IMPDH1: variants seen among roughly 807,000 people sequenced by gnomAD.
The protein encoded by IMPDH1 is inosine-5'-monophosphate dehydrogenase 1.
A neutral mutation model predicts 73.5 loss-of-function variants in IMPDH1; 41 were observed. That is an observed-to-expected ratio of 0.56 (90% CI 0.43 to 0.72). The LOEUF is 0.72. Among genes scored for constraint, IMPDH1 ranks in the 30% least tolerant of loss-of-function variants. The pLI is 0.00. For missense variants in IMPDH1, 645 were observed against 824.8 expected (o/e 0.78, Z 2.67); for synonymous variants, 318 against 334.3 (o/e 0.95, Z 0.53).
intron 5 of IMPDH1, among the ~76,000 whole-genome samples, chr7:128,403,223 A>T (rs533452861): frequency 1.1e-3 from 161 of 152,162 alleles, no homozygotes; most frequent in African/African-American, 3.7e-3. Flanking sequence ...ATCAGGTATA[A>T]CCCTTTGATC....
chr7:128,397,277 T>C (rs533843977), intron 10 of IMPDH1, among the ~76,000 whole-genome samples: 1 of 151,902 alleles, frequency 6.6e-6, no homozygotes, highest in South Asian at 2.1e-4. Context: ...TTCCTATCCA[T>C]TGTACAGACT....
chr7:128,397,134 GCT>G, intron 10 of IMPDH1, 112 bp from the exon 11 acceptor site: 1 of 724,668 alleles, frequency 1.4e-6, no homozygotes. Flanking sequence ...TTATGAGAAT[GCT>G]CTTTCCTTCT....
At position 128,396,264 on chromosome 7, in the gene IMPDH1, G is replaced by A. The variant is rs1014179732; in HGVS notation, c.1261+336C>T. 2.6e-5 allele frequency among the ~76,000 whole-genome samples: 4 copies of A among 152,192 alleles called. No individual in the cohort carries two copies. Among genetic ancestry groups the A allele is most frequent in the African/African-American group, 7.2e-5 (3 of 41,432 alleles). On this transcript the variant is annotated intron_variant, in intron 12 of 16. Transcript: ENST00000338791. This position sits in a 1 kb window ranked among gnomAD's most constrained non-coding sequence, Gnocchi z 4.0. ...CATATCTTTATATATTCAGGGACAT[G>A]TCGTCTCTGTGTCTTAAATATCTGC...
At chr7:128,397,147 G>A (rs2116625217) in intron 10 of IMPDH1, 125 bp from the exon 11 acceptor site, 3 of 619,808 alleles carry the variant, frequency 4.8e-6, no homozygotes, top group East Asian at 5.9e-5. Flanking sequence ...CTTTCCTTCT[G>A]GTTGTTTTTT....
At position 128,393,576 on chromosome 7, in the gene IMPDH1, G is replaced by A. The variant is rs1221188171; in HGVS notation, c.1779-548C>T. 3.7e-5 allele frequency: 7 copies of A among 190,776 alleles called. No individual in the cohort carries two copies. In the South Asian group the frequency reaches 7.2e-4, roughly 20 times the overall value. 11.8% of individuals were successfully genotyped at this position (190,776 alleles called of 1,614,324 possible). A position where few individuals can be genotyped will look rare whatever the true frequency, so the allele number is the denominator to read the frequency against. On this transcript the variant is annotated intron_variant, in intron 16 of 16. Transcript: ENST00000338791. ...TGGTGTTGGAGTTAGGGGGCCGGGGGGGCCCAAACCCAGGGTCCACATCTC... is the reference window on the plus strand; with the variant it reads ...TGGTGTTGGAGTTAGGGGGCCGGGGAGGCCCAAACCCAGGGTCCACATCTC...
In IMPDH1 at chr7:128,394,046, C is replaced by T. The variant is rs1470677465; in HGVS notation, c.1778+232G>A. ...AGTGACTGGCCACACCTCCTGTGCC[C>T]TGCTCGGGAGAGGCCCGAGGGGAGG... is the stretch of plus-strand genomic sequence containing the variant. On this transcript the variant is annotated intron_variant, in intron 16 of 16. Coordinates refer to ENST00000338791, the MANE Select transcript of IMPDH1 (RefSeq NM_000883.4). The surrounding 1 kb of genome is among the most constrained non-coding windows in gnomAD (Gnocchi z 5.5). Among the ~76,000 whole-genome samples, 3 of 152,180 alleles carry T rather than the reference C, an allele frequency of 2.0e-5. No individual in the cohort carries two copies. The highest frequency in any genetic ancestry group is 4.4e-5 in the Non-Finnish European group (3 of 68,022).
intron 1 of IMPDH1, 73 bp from the exon 2 acceptor site, chr7:128,409,557 C>G: frequency 6.4e-7 from 1 of 1,572,096 alleles, no homozygotes; most frequent in Non-Finnish European, 8.8e-7. Context: ...GCACCTAACC[C>G]TTCGCACAGT....
chr7:128,396,882 A>G lies in IMPDH1; in HGVS notation c.1165+50T>C, dbSNP rs1453803566. The G allele has an allele frequency of 7.4e-7, 1 of 1,355,218 alleles. No homozygotes were observed. Among genetic ancestry groups the G allele is most frequent in the East Asian group, 2.3e-5 (1 of 43,708 alleles). The allele number at this position is 1,355,218 out of a possible 1,614,324, so 83.9% of individuals were successfully genotyped here. ...GGATGCTGAAGGACAGAAAAGGGTT[A>G]CTCATTGGAGGGGCAGGAGCAGGCG... On this transcript the variant is annotated intron_variant, in intron 11 of 16. Transcript: ENST00000338791. This position sits in a 1 kb window ranked among gnomAD's most constrained non-coding sequence, Gnocchi z 4.0.
intron 6 of IMPDH1, 34 bp from the exon 7 acceptor site, chr7:128,400,925 G>A: frequency 6.2e-7 from 1 of 1,605,070 alleles, no homozygotes; most frequent in African/African-American, 1.3e-5. Flanking sequence ...CAGAGCCGGG[G>A]CCCATTCCTC....
chr7:128,394,705 CA>C lies in IMPDH1; in HGVS notation c.1551-107del. On this transcript the variant is annotated intron_variant, in intron 14 of 16. Transcript: ENST00000338791. This position sits in a 1 kb window ranked among gnomAD's most constrained non-coding sequence, Gnocchi z 5.5. ...TACCGCCCAGGAAGGTCCCCCAGGC[CA>C]CCCCTCACTGGGCTGAGTCAGATGG... 6.8e-7 allele frequency: 1 copy of C among 1,466,992 alleles called. No individual in the cohort carries two copies. The highest frequency in any genetic ancestry group is 1.1e-5 in the South Asian group (1 of 87,128). 90.9% of individuals were successfully genotyped at this position (1,466,992 alleles called of 1,614,324 possible). A position where few individuals can be genotyped will look rare whatever the true frequency, so the allele number is the denominator to read the frequency against.
At position 128,396,097 on chromosome 7, in the gene IMPDH1, GA is replaced by G; in HGVS notation, c.1261+502del. Among the ~76,000 whole-genome samples the G allele has an allele frequency of 6.6e-6, 1 of 152,080 alleles. No individual in the cohort carries two copies. The highest frequency in any genetic ancestry group is 1.9e-4 in the East Asian group (1 of 5,186). The stretch of plus-strand genomic sequence containing the variant: ...CACAAGTCAGATACCAGCCTCCAGG[GA>G]GCACCTCCTCAATAACCACATGGGG... On this transcript the variant is annotated intron_variant, in intron 12 of 16. Coordinates refer to ENST00000338791, the MANE Select transcript of IMPDH1 (RefSeq NM_000883.4). The surrounding 1 kb of genome is among the most constrained non-coding windows in gnomAD (Gnocchi z 4.0).
Position 128,394,870 on chromosome 7 carries a change from G to T in IMPDH1, c.1550+19C>A. 13 of 1,610,794 alleles carry T rather than the reference G, an allele frequency of 8.1e-6. No homozygotes were observed. Among genetic ancestry groups the T allele is most frequent in the Non-Finnish European group, 1.1e-5 (13 of 1,179,936 alleles). On this transcript the variant is annotated intron_variant, in intron 14 of 16. Coordinates refer to ENST00000338791, the MANE Select transcript of IMPDH1 (RefSeq NM_000883.4). This position sits in a 1 kb window ranked among gnomAD's most constrained non-coding sequence, Gnocchi z 5.5. ...GGTTGTGGGCTGATCTGCCCAGGTG[G>T]GGCCCAGGGTCAGGGAACCTGAAGT... is the stretch of plus-strand genomic sequence containing the variant.
chr7:128,396,003 C>T lies in IMPDH1; in HGVS notation c.1261+597G>A, dbSNP rs1797887580. ...ATCACTCAGTGTTTTGGAGAAATTG[C>T]CCTCACAGGAGGGGCCGGGTACATC... On this transcript the variant is annotated intron_variant, in intron 12 of 16. Transcript: ENST00000338791. The surrounding 1 kb of genome is among the most constrained non-coding windows in gnomAD (Gnocchi z 4.0). Among the ~76,000 whole-genome samples, 1 of 152,146 alleles carries T rather than the reference C, an allele frequency of 6.6e-6. No homozygotes were observed. The highest frequency in any genetic ancestry group is 2.4e-5 in the African/African-American group (1 of 41,416).
In IMPDH1 at chr7:128,396,356, G is replaced by GGCCCCAA. The variant is rs1797912228; in HGVS notation, c.1261+237_1261+243dup. Among the ~76,000 whole-genome samples, 1 of 152,140 alleles carries GGCCCCAA rather than the reference G, an allele frequency of 6.6e-6. No homozygotes were observed. The highest frequency in any genetic ancestry group is 2.4e-5 in the African/African-American group (1 of 41,412). ...CCCATGGACAGTCACACCAGCCCCA[G>GGCCCCAA]GCCCCAAGCCCCAGGCAGAGCCCCC... On this transcript the variant is annotated intron_variant, in intron 12 of 16. Coordinates refer to ENST00000338791, the MANE Select transcript of IMPDH1 (RefSeq NM_000883.4). The surrounding 1 kb of genome is among the most constrained non-coding windows in gnomAD (Gnocchi z 4.0).
chr7:128,400,859 G>T lies in IMPDH1; in HGVS notation c.537C>A (p.Asn179Lys). 1 of 1,614,218 alleles carries T rather than the reference G, an allele frequency of 6.2e-7. No individual in the cohort carries two copies. Among genetic ancestry groups the T allele is most frequent in the Non-Finnish European group, 8.5e-7 (1 of 1,180,018 alleles). The change falls in exon 7 of 17, where the codon AAC becomes AAA. Residue 179 changes from asparagine to lysine, a missense_variant. Asn to Lys is a moderately conservative substitution (Grantham distance 94). Around this residue, in one of 2 missense-constraint regions of IMPDH1, gnomAD observed 459 missense variants for 638.2 expected, o/e 0.72. Coordinates refer to ENST00000338791, the MANE Select transcript of IMPDH1 (RefSeq NM_000883.4). The part of the protein sequence containing the change: ...LMGGIGFIHH[N>K]CTPEFQANEV... ...CGTTGGCCTGGAACTCTGGGGTGCA[G>T]TTGTGGTGAATGAAACCAATACCTC...
At chr7:128,397,316 G>C (rs1434314659) in intron 10 of IMPDH1, among the ~76,000 whole-genome samples, 1 of 152,078 alleles carries the variant, frequency 6.6e-6, no homozygotes, top group Non-Finnish European at 1.5e-5. Context: ...ACACTGCCTG[G>C]AGCCATATCC....
chr7:128,398,675 T>G lies in IMPDH1; in HGVS notation c.875-62A>C. On this transcript the variant is annotated intron_variant, in intron 9 of 16. Coordinates refer to ENST00000338791, the MANE Select transcript of IMPDH1 (RefSeq NM_000883.4). This position sits in a 1 kb window ranked among gnomAD's most constrained non-coding sequence, Gnocchi z 4.3. ...GGTGGGGAGAAGTTTGGGAGATGTT[T>G]AGGAGGGTGAAGATGAAAGTGGACC... is the stretch of plus-strand genomic sequence containing the variant. The G allele has an allele frequency of 7.2e-7, 1 of 1,395,394 alleles. No individual in the cohort carries two copies. The highest frequency in any genetic ancestry group is 1.0e-6 in the Non-Finnish European group (1 of 987,022). 86.4% of individuals were successfully genotyped at this position (1,395,394 alleles called of 1,614,324 possible).
Position 128,395,122 on chromosome 7 carries a change from T to C in IMPDH1, c.1405+9A>G, listed in dbSNP as rs11562030. On this transcript the variant is annotated intron_variant, in intron 13 of 16. Coordinates refer to ENST00000338791, the MANE Select transcript of IMPDH1 (RefSeq NM_000883.4). ...CGCCTGCCCAATCCCCAGCACATTC[T>C]CCCCTCACCTGTGGAGGCTCCAAGG... 5.1e-4 allele frequency: 826 copies of C among 1,613,780 alleles called. 8 individuals are homozygous for C. The East Asian group carries it at 0.016, about 31-fold the overall frequency.
chr7:128,396,381 C>G lies in IMPDH1; in HGVS notation c.1261+219G>C, dbSNP rs1177160806. On this transcript the variant is annotated intron_variant, in intron 12 of 16. Coordinates refer to ENST00000338791, the MANE Select transcript of IMPDH1 (RefSeq NM_000883.4). The surrounding 1 kb of genome is among the most constrained non-coding windows in gnomAD (Gnocchi z 4.0). ...GGCCCCAAGCCCCAGGCAGAGCCCC[C>G]TTGACCGCACTCTGAGAAGCAGGCT... 1.3e-5 allele frequency among the ~76,000 whole-genome samples: 2 copies of G among 152,252 alleles called. No individual in the cohort carries two copies. The highest frequency in any genetic ancestry group is 2.9e-5 in the Non-Finnish European group (2 of 68,036).
Sources: allele counts gnomAD v4.1 joint callset (sites outside exome capture counted in the v4.1 genomes callset), GRCh38; gene constraint gnomAD v4.1.1; regional missense constraint gnomAD v4.1.1; non-coding constraint Gnocchi (gnomAD v3.1); transcripts MANE v1.5; gene names NCBI Gene and HGNC (gene_info 2026-07-23, HGNC 2026-07-21).